Variants in PCDHA3 observed in about 807,000 individuals in gnomAD.
The protein encoded by PCDHA3 is protocadherin alpha-3.
PCDHA3 carries 41 observed loss-of-function variants against 62.2 expected under a neutral mutation model. The ratio of observed to expected loss-of-function variants is 0.66; its 90% CI spans 0.51 to 0.86. The LOEUF (loss-of-function observed/expected upper bound fraction) is 0.86, where lower values mean the gene tolerates loss of function less well. Ranked by LOEUF, PCDHA3 falls within the 40% of genes least tolerant of loss-of-function variation. The pLI is 0.00. For missense variants in PCDHA3, 1,304 were observed against 1,241.2 expected, an observed-to-expected ratio of 1.05 and a Z score of -0.76; for synonymous variants, 640 against 555.4, an observed-to-expected ratio of 1.15 and a Z score of -2.14.
chr5:140,816,872 A>G (rs2126675871), intron 1 of PCDHA3: 2 of 151,996 alleles, frequency 1.3e-5, no homozygotes, highest in South Asian at 2.1e-4. Flanking sequence ...GAGCAGCAGT[A>G]TTCACTCAGC....
At chr5:140,892,595 A>G (rs1424989273) in intron 1 of PCDHA3, among the ~76,000 whole-genome samples, 1 of 151,958 alleles carries the variant, frequency 6.6e-6, no homozygotes, top group African/African-American at 2.4e-5. Flanking sequence ...TCATTCACCT[A>G]TTTTTTTCCT....
intron 1 of PCDHA3, chr5:140,824,624 T>TTTTTTTTTTTTTTTTTTTTTTTTTG (rs1562279900): frequency 7.6e-6 from 1 of 131,674 alleles, no homozygotes; most frequent in Non-Finnish European, 1.6e-5. Context: ...TTTTTTTTTT[T>TTTTTTTTTTTTTTTTTTTTTTTTTG]TTTTTTTTAT....
chr5:140,825,441 A>T, intron 1 of PCDHA3: 1 of 147,966 alleles, frequency 6.8e-6, no homozygotes, highest in Non-Finnish European at 1.5e-5. Flanking sequence ...ATATAATAAT[A>T]ATATATATCA....
intron 1 of PCDHA3, among the ~76,000 whole-genome samples, chr5:140,972,660 A>ATTTTT (rs11350929): frequency 8.5e-5 from 10 of 117,262 alleles, no homozygotes; most frequent in Non-Finnish European, 1.6e-4. Context: ...AAGAAACCAA[A>ATTTTT]TTTTTTTTTT....
chr5:140,879,783 G>A (rs182330190), intron 1 of PCDHA3, among the ~76,000 whole-genome samples: 1 of 152,162 alleles, frequency 6.6e-6, no homozygotes, highest in African/African-American at 2.4e-5. Flanking sequence ...GAAGAATCTG[G>A]TTTTTGTTTC....
At chr5:140,882,172 T>C (rs1582596670) in intron 1 of PCDHA3, 2 of 1,514,998 alleles carry the variant, frequency 1.3e-6, no homozygotes, top group South Asian at 2.7e-5. Context: ...TGCGAATCCT[T>C]CCGCACTAGG....
intron 1 of PCDHA3, chr5:140,860,593 T>C (rs782239381): frequency 6.6e-6 from 1 of 152,050 alleles, no homozygotes. Flanking sequence ...GGAAAGGAGT[T>C]GGAAGCTCAC....
intron 1 of PCDHA3, among the ~76,000 whole-genome samples, chr5:140,819,828 T>C (rs1766632224): frequency 1.3e-5 from 2 of 152,058 alleles, no homozygotes; most frequent in South Asian, 2.1e-4. Flanking sequence ...GAACTGATAT[T>C]GTTGATGACT....
chr5:140,881,362 G>C, intron 1 of PCDHA3: 6 of 985,132 alleles, frequency 6.1e-6, no homozygotes, highest in Non-Finnish European at 7.2e-6. Context: ...CGTGGCTTTC[G>C]TATGAATTGC....
In PCDHA3 at chr5:140,982,309, G is replaced by A. The variant is rs1459964622; in HGVS notation, c.2454-166G>A. On this transcript the variant is annotated intron_variant, in intron 2 of 3. Coordinates refer to ENST00000522353, the MANE Select transcript of PCDHA3 (RefSeq NM_018906.3). Reference sequence around the variant, plus strand: ...TAAGTAAGTCAGCAATGCTTCTGCAGTTTATGCAGGGTGACTGCTCAGCAG... The same window carrying A: ...TAAGTAAGTCAGCAATGCTTCTGCAATTTATGCAGGGTGACTGCTCAGCAG... 5.4e-6 allele frequency: 7 copies of A among 1,306,624 alleles called. No homozygotes were observed. The Admixed American group carries it at 1.8e-4, about 34-fold the overall frequency. The allele number at this position is 1,306,624 out of a possible 1,614,324, so 80.9% of individuals were successfully genotyped here. A position where few individuals can be genotyped will look rare whatever the true frequency, so the allele number is the denominator to read the frequency against.
chr5:140,967,215 G>T (rs782646028), intron 1 of PCDHA3: 1 of 1,613,682 alleles, frequency 6.2e-7, no homozygotes, highest in Non-Finnish European at 8.5e-7. Context: ...CGTTTCCCGC[G>T]GCCCAACTAC....
At chr5:140,992,095 G>T (rs1554252652) in intron 3 of PCDHA3, among the ~76,000 whole-genome samples, 1 of 151,540 alleles carries the variant, frequency 6.6e-6, no homozygotes, top group East Asian at 1.9e-4. Context: ...TAGAGAAAGA[G>T]AATTAAGGTG....
chr5:140,992,460 G>T (rs1554252924), intron 3 of PCDHA3, among the ~76,000 whole-genome samples: 1 of 152,170 alleles, frequency 6.6e-6, no homozygotes, highest in African/African-American at 2.4e-5. Context: ...GCAGAGGACA[G>T]TACTCTTTAG....
intron 1 of PCDHA3, among the ~76,000 whole-genome samples, chr5:140,954,220 T>C (rs782685715): frequency 2.0e-5 from 3 of 152,240 alleles, no homozygotes; most frequent in African/African-American, 4.8e-5. Context: ...GTTTTTGCTA[T>C]TGTGAATAGT....
chr5:140,900,543 C>T (rs889758586), intron 1 of PCDHA3, among the ~76,000 whole-genome samples: 2 of 152,210 alleles, frequency 1.3e-5, no homozygotes, highest in African/African-American at 4.8e-5. Context: ...TTCCAAAGTG[C>T]TGGGATTACA....
At chr5:140,883,283 G>C (rs782514861) in intron 1 of PCDHA3, 2 of 1,613,916 alleles carry the variant, frequency 1.2e-6, no homozygotes, top group Admixed American at 1.7e-5. Context: ...CCTTTTGGTG[G>C]AAGTACTAGA....
chr5:140,856,717 A>G (rs947466965), intron 1 of PCDHA3: 1 of 1,596,480 alleles, frequency 6.3e-7, no homozygotes, highest in Non-Finnish European at 8.6e-7. Context: ...AATTTACCGG[A>G]TCTGTTTCTC....
At chr5:140,909,926 A>G (rs781804027) in intron 1 of PCDHA3, among the ~76,000 whole-genome samples, 4 of 152,190 alleles carry the variant, frequency 2.6e-5, no homozygotes, top group Admixed American at 2.6e-4. Flanking sequence ...CCTTTCCCCA[A>G]TCACAGTTAC....
intron 1 of PCDHA3, chr5:140,862,517 T>C (rs962060354): frequency 3.9e-5 from 16 of 410,600 alleles, no homozygotes; most frequent in African/African-American, 2.9e-4. Flanking sequence ...GCTTTCATTG[T>C]TGGCCACAGC....
Sources: gnomAD v4.1 joint callset for allele counts (sites outside exome capture counted in the v4.1 genomes callset) on GRCh38, gnomAD v4.1.1 for gene constraint, MANE v1.5 for transcripts, NCBI Gene and HGNC (gene_info 2026-07-23, HGNC 2026-07-21) for gene names.